Variants in ZFYVE26 observed in about 807,000 individuals in gnomAD.
ZFYVE26 encodes zinc finger FYVE domain-containing protein 26.
In ZFYVE26, 181 loss-of-function variants were observed where a neutral mutation model predicts 276.5. The ratio of observed to expected loss-of-function variants is 0.65; its 90% CI spans 0.58 to 0.74. The LOEUF (loss-of-function observed/expected upper bound fraction) is 0.74. Among genes scored for constraint, ZFYVE26 ranks in the 30% least tolerant of loss-of-function variants. ZFYVE26 has a pLI of 0.00. For synonymous variants in ZFYVE26, 1,129 were observed against 1,203.1 expected, an observed-to-expected ratio of 0.94 and a Z score of 1.27; for missense variants, 2,821 against 3,097.9, an observed-to-expected ratio of 0.91 and a Z score of 2.12.
chr14:67,797,843 C>T, intron 11 of ZFYVE26, 88 bp from the exon 12 acceptor site: 2 of 1,583,270 alleles, frequency 1.3e-6, no homozygotes, highest in South Asian at 1.1e-5. Flanking sequence ...GGAAGGTTTG[C>T]ACTGGGCTCT....
At chr14:67,782,711 G>A in intron 21 of ZFYVE26, 69 bp downstream of exon 21, 1 of 1,598,838 alleles carries the variant, frequency 6.3e-7, no homozygotes, top group Non-Finnish European at 8.5e-7. Flanking sequence ...AGGATTAAAT[G>A]TGATAATATA....
chr14:67,808,046 G>A (rs1031273495), intron 4 of ZFYVE26, 126 bp from the exon 5 acceptor site: 34 of 1,132,612 alleles, frequency 3.0e-5, no homozygotes, highest in East Asian at 1.7e-4. Flanking sequence ...TACTTATGTC[G>A]TAGTTACTAT....
intron 18 of ZFYVE26, 57 bp from the exon 19 acceptor site, chr14:67,785,334 G>A: frequency 6.7e-7 from 1 of 1,498,766 alleles, no homozygotes; most frequent in Non-Finnish European, 9.1e-7. Flanking sequence ...GTCCAGCTTT[G>A]GGTCAATTTC....
At chr14:67,753,888 G>A (rs2038710408) in intron 38 of ZFYVE26, 122 bp from the exon 39 acceptor site, 1 of 1,477,576 alleles carries the variant, frequency 6.8e-7, no homozygotes, top group Non-Finnish European at 9.4e-7. Context: ...CCTGCTAAGT[G>A]CCAGGCACTA....
intron 10 of ZFYVE26, chr14:67,799,081 C>G (rs189762100): frequency 8.3e-7 from 1 of 1,198,832 alleles, no homozygotes; most frequent in Non-Finnish European, 1.2e-6. Flanking sequence ...GAACAGTGGA[C>G]GAGGACTCTC....
In ZFYVE26 at chr14:67,747,835, A is replaced by C. The variant is rs571336694; in HGVS notation, c.*601T>G. 1 of 157,072 alleles carries C rather than the reference A, an allele frequency of 6.4e-6. No individual in the cohort carries two copies. Among genetic ancestry groups the C allele is most frequent in the African/African-American group, 2.4e-5 (1 of 41,580 alleles). 9.7% of individuals were successfully genotyped at this position (157,072 alleles called of 1,614,324 possible). On this transcript the variant is annotated 3_prime_UTR_variant, in exon 42 of 42. Coordinates refer to ENST00000347230, the MANE Select transcript of ZFYVE26 (RefSeq NM_015346.4). ...TCCAGGACTTCTTGTGCTTGGGAGA[A>C]GAGACACCTGGAAAACAGGTTTATT...
At chr14:67,765,179 C>T (rs2039025029) in intron 32 of ZFYVE26, among the ~76,000 whole-genome samples, 1 of 152,120 alleles carries the variant, frequency 6.6e-6, no homozygotes, top group Non-Finnish European at 1.5e-5. Context: ...ATAAAGGAAT[C>T]AGATTAGTTC....
chr14:67,799,141 T>C (rs2040027982), intron 10 of ZFYVE26: 1 of 1,518,478 alleles, frequency 6.6e-7, no homozygotes, highest in Non-Finnish European at 9.1e-7. Flanking sequence ...GGCTACTCTT[T>C]AAAAAGATAT....
At chr14:67,805,917 CT>C (rs1283993613) in intron 6 of ZFYVE26, among the ~76,000 whole-genome samples, 3 of 152,164 alleles carry the variant, frequency 2.0e-5, no homozygotes, top group Non-Finnish European at 4.4e-5. Context: ...ATCCCAGCTA[CT>C]TGGGAGGCTG....
intron 13 of ZFYVE26, among the ~76,000 whole-genome samples, chr14:67,733,033 C>A (rs987355653): frequency 1.3e-5 from 2 of 151,998 alleles, no homozygotes; most frequent in Non-Finnish European, 2.9e-5. Flanking sequence ...ATGACGAGTT[C>A]ATGGGTGCAG....
At position 67,808,066 on chromosome 14, in the gene ZFYVE26, AT is replaced by A. The variant is rs1382475517; in HGVS notation, c.364-147del. On this transcript the variant is annotated intron_variant, in intron 4 of 41. Coordinates refer to ENST00000347230, the MANE Select transcript of ZFYVE26 (RefSeq NM_015346.4). ...ATGTCGTAGTTACTATGTGTTAGAC[AT>A]TGTTCTAAGGCCCTTTACACAGAAA... 7 of 993,942 alleles carry A rather than the reference AT, an allele frequency of 7.0e-6. No homozygotes were observed. The African/African-American group carries it at 9.8e-5, about 14-fold the overall frequency. The allele number at this position is 993,942 out of a possible 1,614,324, so 61.6% of individuals were successfully genotyped here.
In ZFYVE26 at chr14:67,756,155, G is replaced by A. The variant is rs1221195350; in HGVS notation, c.6589-10C>T. 1 of 1,613,834 alleles carries A rather than the reference G, an allele frequency of 6.2e-7. No individual in the cohort carries two copies. The highest frequency in any genetic ancestry group is 1.7e-5 in the Admixed American group (1 of 60,006). On this transcript the variant is annotated splice_polypyrimidine_tract_variant and intron_variant, in intron 35 of 41. Coordinates refer to ENST00000347230, the MANE Select transcript of ZFYVE26 (RefSeq NM_015346.4). ...CTTCTGGAGGACTCTCCTGGAGCAG[G>A]GCAGGGCGAGAAGTCAGAAGTCTTG...
At chr14:67,765,863 C>T (rs1407541402) in intron 32 of ZFYVE26, among the ~76,000 whole-genome samples, 1 of 152,182 alleles carries the variant, frequency 6.6e-6, no homozygotes, top group African/African-American at 2.4e-5. Context: ...ACTGGACATT[C>T]AAGGAGGACA....
chr14:67,736,324 C>T (rs1305466256), intron 13 of ZFYVE26, among the ~76,000 whole-genome samples: 1 of 152,206 alleles, frequency 6.6e-6, no homozygotes. Flanking sequence ...TCTTCTACGG[C>T]TATCATATTC....
intron 16 of ZFYVE26, 136 bp downstream of exon 16, chr14:67,789,199 G>T (rs535857999): frequency 2.5e-6 from 3 of 1,201,382 alleles, no homozygotes; most frequent in Admixed American, 1.8e-5. Context: ...CCATCAGATT[G>T]TATGTGACAA....
In ZFYVE26 at chr14:67,761,012, G is replaced by A. The variant is rs545267506; in HGVS notation, c.6588+354C>T. On this transcript the variant is annotated intron_variant, in intron 35 of 41. Transcript: ENST00000347230. ...ACCATCCCAGGCCAGGTAGGGAGGC[G>A]CGTGGAAGCAGACTCTAAGCAATAT... 7.2e-4 allele frequency: 399 copies of A among 555,484 alleles called. 1 individual carries two copies. The highest frequency in any genetic ancestry group is 1.2e-3 in the Non-Finnish European group (363 of 309,754). The allele number at this position is 555,484 out of a possible 1,614,324, so 34.4% of individuals were successfully genotyped here.
intron 35 of ZFYVE26, among the ~76,000 whole-genome samples, chr14:67,756,591 A>T (rs1483915914): frequency 6.6e-6 from 1 of 152,130 alleles, no homozygotes; most frequent in East Asian, 1.9e-4. Flanking sequence ...AATTGAGAAA[A>T]AACTCTCCTC....
In ZFYVE26 at chr14:67,793,708, T is replaced by C. The variant is rs770552278; in HGVS notation, c.2453A>G (p.His818Arg). ...GATGAGTGAACTTTGAGGATGGGGG[T>C]GCAATCTACTGTGCAGCTCATTCCG... ...SGRNELHSRL[H>R]PHPQSSLIPM... is the part of the protein sequence containing the mutation. The change falls in exon 14 of 42, where the codon CAC becomes CGC. Residue 818 changes from histidine (H) to arginine (R), a missense_variant. Physicochemically the swap from His to Arg is conservative, Grantham distance 29. Transcript: ENST00000347230. 2.5e-6 allele frequency: 4 copies of C among 1,613,542 alleles called. No individual in the cohort carries two copies. The Admixed American group carries it at 6.7e-5, about 27-fold the overall frequency.
chr14:67,777,591 G>C lies in ZFYVE26; in HGVS notation c.4942C>G (p.Arg1648Gly). 1.9e-6 allele frequency: 3 copies of C among 1,614,116 alleles called. No individual in the cohort carries two copies. Among genetic ancestry groups the C allele is most frequent in the Non-Finnish European group, 2.5e-6 (3 of 1,180,028 alleles). The change falls in exon 25 of 42, where the codon CGT (arginine) becomes GGT (glycine). Residue 1648 changes from arginine (R) to glycine (G), a missense_variant. Coordinates refer to ENST00000347230, the MANE Select transcript of ZFYVE26 (RefSeq NM_015346.4). ...FYGQLTAVRH[R>G]EIQALYVGSK... ...CCCACATACAGCGCCTGGATTTCAC[G>C]GTGTCGGACAGCAGTCAGTTGTCCA... is the stretch of plus-strand genomic sequence containing the variant.
Sources: gnomAD v4.1 joint callset for allele counts (sites outside exome capture counted in the v4.1 genomes callset) on GRCh38, gnomAD v4.1.1 for gene constraint, MANE v1.5 for transcripts, NCBI Gene and HGNC (gene_info 2026-07-23, HGNC 2026-07-21) for gene names.